RBMS1: variants seen among roughly 807,000 people sequenced by gnomAD.
RBMS1 encodes the protein RNA-binding motif, single-stranded-interacting protein 1.
Under a neutral mutation model 62.3 loss-of-function variants are expected in RBMS1, and 17 were observed. The ratio of observed to expected loss-of-function variants is 0.27; its 90% confidence interval spans 0.19 to 0.41. The LOEUF (loss-of-function observed/expected upper bound fraction) is 0.41, where lower values mean the gene tolerates loss of function less well. RBMS1 is among the 10% of genes least tolerant of loss of function. RBMS1 has a pLI of 1.00. For missense variants in RBMS1, 334 were observed against 504.5 expected, an observed-to-expected ratio of 0.66 and a Z score of 3.24; for synonymous variants, 172 against 170.0, an observed-to-expected ratio of 1.01 and a Z score of -0.09.
chr2:160,396,550 C>CTTTTTTTTTTTTTTT (rs59600753), intron 1 of RBMS1, among the ~76,000 whole-genome samples: 5 of 77,852 alleles, frequency 6.4e-5, no homozygotes, highest in Admixed American at 3.5e-4. Flanking sequence ...TTCTTTTTAT[C>CTTTTTTTTTTTTTTT]TTTTTTTTTT....
intron 2 of RBMS1, among the ~76,000 whole-genome samples, chr2:160,323,503 G>C (rs893174828): frequency 6.6e-6 from 1 of 150,776 alleles, no homozygotes; most frequent in African/African-American, 2.4e-5. Context: ...TTACGGAATA[G>C]GGACATATGA....
At chr2:160,478,615 C>G (rs1352343553) in intron 1 of RBMS1, among the ~76,000 whole-genome samples, 1 of 152,116 alleles carries the variant, frequency 6.6e-6, no homozygotes, top group African/African-American at 2.4e-5. Context: ...ACTGGTAAAT[C>G]TTTTGTAAAT....
At chr2:160,411,061 G>A (rs1226403154) in intron 1 of RBMS1, among the ~76,000 whole-genome samples, 1 of 152,162 alleles carries the variant, frequency 6.6e-6, no homozygotes, top group African/African-American at 2.4e-5. Flanking sequence ...CCTCTTTCAA[G>A]GGAAACAGAC....
chr2:160,404,225 T>A (rs1177964207), intron 1 of RBMS1, among the ~76,000 whole-genome samples: 1 of 152,140 alleles, frequency 6.6e-6, no homozygotes, highest in African/African-American at 2.4e-5. Context: ...GCTGAGCAGG[T>A]GTATTTCTAA....
intron 1 of RBMS1, among the ~76,000 whole-genome samples, chr2:160,450,676 TATC>T (rs1008845597): frequency 2.6e-5 from 4 of 151,650 alleles, no homozygotes; most frequent in Admixed American, 6.6e-5. Flanking sequence ...CAAGCTGAGA[TATC>T]ATCATTAGGA....
chr2:160,480,304 C>T (rs1203034026), intron 1 of RBMS1, among the ~76,000 whole-genome samples: 1 of 152,078 alleles, frequency 6.6e-6, no homozygotes, highest in East Asian at 1.9e-4. Flanking sequence ...TATATTTTGA[C>T]ATGCATGCAA....
intron 1 of RBMS1, among the ~76,000 whole-genome samples, chr2:160,487,965 G>A (rs1328069681): frequency 6.6e-6 from 1 of 152,054 alleles, no homozygotes; most frequent in East Asian, 1.9e-4. Flanking sequence ...ATTTTGTTAA[G>A]GAGACTAGAT....
intron 2 of RBMS1, among the ~76,000 whole-genome samples, chr2:160,332,288 G>A (rs1438371788): frequency 1.3e-5 from 2 of 152,086 alleles, no homozygotes; most frequent in Non-Finnish European, 1.5e-5. Flanking sequence ...AAAGAATAGC[G>A]GCAAAGATAC....
chr2:160,428,884 G>A (rs1682766506), intron 1 of RBMS1, among the ~76,000 whole-genome samples: 1 of 152,106 alleles, frequency 6.6e-6, no homozygotes, highest in Non-Finnish European at 1.5e-5. Flanking sequence ...TGGCGTAATG[G>A]TGATAACCAT....
chr2:160,318,021 G>T, intron 3 of RBMS1, 148 bp downstream of exon 3: 2 of 1,208,904 alleles, frequency 1.7e-6, no homozygotes, highest in Non-Finnish European at 2.2e-6. Context: ...TAAGTAATAT[G>T]CTGACACTGT....
intron 1 of RBMS1, among the ~76,000 whole-genome samples, chr2:160,395,278 A>C (rs1314238031): frequency 6.6e-6 from 1 of 152,224 alleles, no homozygotes; most frequent in Non-Finnish European, 1.5e-5. Context: ...CGTGTATCTT[A>C]GTAAGCACAA....
At chr2:160,365,420 C>T (rs537406179) in intron 2 of RBMS1, among the ~76,000 whole-genome samples, 9 of 152,096 alleles carry the variant, frequency 5.9e-5, no homozygotes, top group East Asian at 1.9e-4. Context: ...TGTTTACACA[C>T]GTTAAGAAAA....
At chr2:160,451,139 A>G (rs1433673150) in intron 1 of RBMS1, among the ~76,000 whole-genome samples, 4 of 151,446 alleles carry the variant, frequency 2.6e-5, no homozygotes, top group Non-Finnish European at 5.9e-5. Flanking sequence ...CCTGGGTGAC[A>G]GAGCAAGACC....
chr2:160,359,640 G>A (rs1487168567), intron 2 of RBMS1, among the ~76,000 whole-genome samples: 1 of 152,084 alleles, frequency 6.6e-6, no homozygotes, highest in Non-Finnish European at 1.5e-5. Flanking sequence ...TGGGCCCATT[G>A]CTCCTTTCAG....
At chr2:160,476,776 G>A (rs1427985760) in intron 1 of RBMS1, among the ~76,000 whole-genome samples, 2 of 151,388 alleles carry the variant, frequency 1.3e-5, no homozygotes, top group African/African-American at 4.9e-5. Flanking sequence ...GGATGGTCTC[G>A]ATCTCCTGAC....
chr2:160,425,730 T>C (rs1445432580), intron 1 of RBMS1, among the ~76,000 whole-genome samples: 1 of 152,200 alleles, frequency 6.6e-6, no homozygotes, highest in Non-Finnish European at 1.5e-5. Flanking sequence ...ACTCCTGCTC[T>C]TGATTTTGTG....
At chr2:160,418,290 G>A (rs983671679) in intron 1 of RBMS1, among the ~76,000 whole-genome samples, 3 of 152,240 alleles carry the variant, frequency 2.0e-5, no homozygotes, top group South Asian at 4.2e-4. Context: ...GTACTGTTCC[G>A]GCACACGGCA....
intron 6 of RBMS1, among the ~76,000 whole-genome samples, 195 bp downstream of exon 6, chr2:160,300,456 C>T (rs1249386922): frequency 4.6e-5 from 7 of 152,204 alleles, no homozygotes; most frequent in African/African-American, 1.4e-4. Flanking sequence ...CTTACCACTG[C>T]TTCCATTAAC....
intron 1 of RBMS1, among the ~76,000 whole-genome samples, chr2:160,381,609 C>A (rs1694287854): frequency 6.6e-6 from 1 of 152,280 alleles, no homozygotes; most frequent in African/African-American, 2.4e-5. Context: ...TCTTCAGGAG[C>A]TGAGTGGAAG....
Sources: allele counts gnomAD v4.1 joint callset (sites outside exome capture counted in the v4.1 genomes callset), GRCh38; gene constraint gnomAD v4.1.1; transcripts MANE v1.5; gene names NCBI Gene and HGNC (gene_info 2026-07-23, HGNC 2026-07-21).